The following KLHDC1 variants were observed in gnomAD, a reference collection of about 807,000 sequenced individuals.
The protein encoded by KLHDC1 is kelch domain containing 1.
Under a neutral mutation model 68.3 loss-of-function variants are expected in KLHDC1, and 53 were observed. The ratio of observed to expected loss-of-function variants is 0.78; its 90% CI spans 0.62 to 0.98. The LOEUF is 0.98. Among genes scored for constraint, KLHDC1 ranks in the 50% least tolerant of loss-of-function variants. The pLI is 0.00. For synonymous variants in KLHDC1, 148 were observed against 159.0 expected (o/e 0.93, Z 0.52); for missense variants, 470 against 492.3 (o/e 0.95, Z 0.43).
intron 6 of KLHDC1, among the ~76,000 whole-genome samples, chr14:49,728,495 G>A (rs549488205): frequency 4.0e-4 from 61 of 152,278 alleles, no homozygotes; most frequent in African/African-American, 1.5e-3. Context: ...GAGTTTTGGG[G>A]CCATTTTTAA....
intron 10 of KLHDC1, among the ~76,000 whole-genome samples, chr14:49,739,035 C>T (rs1487841303): frequency 6.6e-6 from 1 of 152,178 alleles, no homozygotes; most frequent in Non-Finnish European, 1.5e-5. Context: ...AGTTCTTCTT[C>T]AAATGTAAGT....
In KLHDC1 at chr14:49,695,313, T is replaced by C. The variant is rs563749599; in HGVS notation, c.96+2023T>C. ...GTGCCCAGCCATGAAATGTATTTTC[T>C]TAAATAATAAGACTTGAAAGTCAAA... On this transcript the variant is annotated intron_variant, in intron 1 of 12. Coordinates refer to ENST00000359332, the MANE Select transcript of KLHDC1 (RefSeq NM_172193.3). 2.6e-5 allele frequency among the ~76,000 whole-genome samples: 4 copies of C among 152,286 alleles called. No individual in the cohort carries two copies. In the South Asian group the frequency reaches 8.3e-4, roughly 32 times the overall value.
At chr14:49,701,813 C>G (rs748635947) in intron 1 of KLHDC1, among the ~76,000 whole-genome samples, 3 of 152,128 alleles carry the variant, frequency 2.0e-5, no homozygotes, top group Non-Finnish European at 4.4e-5. Flanking sequence ...GCAGGCAGAT[C>G]ACCTGAGGTC....
intron 1 of KLHDC1, among the ~76,000 whole-genome samples, 187 bp downstream of exon 1, chr14:49,693,477 G>A (rs1039208440): frequency 6.6e-6 from 1 of 151,790 alleles, no homozygotes; most frequent in Admixed American, 6.6e-5. Context: ...TCGTCCCGCC[G>A]TTGCTTCTTC....
At chr14:49,719,197 A>G (rs1360296059) in intron 4 of KLHDC1, among the ~76,000 whole-genome samples, 1 of 151,988 alleles carries the variant, frequency 6.6e-6, no homozygotes, top group African/African-American at 2.4e-5. Context: ...CTTAACTTGT[A>G]CAGTTATGTT....
intron 4 of KLHDC1, among the ~76,000 whole-genome samples, chr14:49,711,785 A>G (rs1167435790): frequency 6.6e-6 from 1 of 151,208 alleles, no homozygotes; most frequent in African/African-American, 2.4e-5. Flanking sequence ...ATCATTCACT[A>G]TTTAATTTCC....
intron 4 of KLHDC1, among the ~76,000 whole-genome samples, chr14:49,711,080 C>T (rs1031548647): frequency 3.3e-5 from 5 of 152,154 alleles, no homozygotes; most frequent in Admixed American, 6.5e-5. Flanking sequence ...GCAACCTCTG[C>T]CTCCCGGGTT....
At chr14:49,694,194 G>A (rs1887666482) in intron 1 of KLHDC1, among the ~76,000 whole-genome samples, 4 of 152,152 alleles carry the variant, frequency 2.6e-5, no homozygotes, top group Non-Finnish European at 5.9e-5. Flanking sequence ...GGAGGTTTGA[G>A]CGTATGTGTG....
At chr14:49,699,769 A>G (rs553997788) in intron 1 of KLHDC1, among the ~76,000 whole-genome samples, 4 of 152,328 alleles carry the variant, frequency 2.6e-5, no homozygotes, top group African/African-American at 9.6e-5. Flanking sequence ...TGATAATATC[A>G]AAAAAGTAAA....
chr14:49,743,413 A>AG (rs1214656073), intron 11 of KLHDC1, among the ~76,000 whole-genome samples: 4 of 151,250 alleles, frequency 2.6e-5, no homozygotes, highest in African/African-American at 7.3e-5. Context: ...AAAAAAAAAA[A>AG]AAAGAAAAGA....
At chr14:49,717,797 C>G (rs1429495900) in intron 4 of KLHDC1, among the ~76,000 whole-genome samples, 2 of 151,840 alleles carry the variant, frequency 1.3e-5, no homozygotes, top group Non-Finnish European at 2.9e-5. Context: ...TTGGGCTTTT[C>G]TTTCTTGGGA....
At chr14:49,721,051 C>T (rs1291027099) in intron 4 of KLHDC1, among the ~76,000 whole-genome samples, 1 of 151,920 alleles carries the variant, frequency 6.6e-6, no homozygotes, top group Non-Finnish European at 1.5e-5. Context: ...CTATTAGTAT[C>T]CTCATCATAG....
chr14:49,710,976 C>A (rs1467764257), intron 4 of KLHDC1, among the ~76,000 whole-genome samples: 1 of 151,292 alleles, frequency 6.6e-6, no homozygotes, highest in East Asian at 1.9e-4. Context: ...CCTTTTATTT[C>A]TTTCCTAATT....
rs1400367408 is a variant in KLHDC1, at chr14:49,693,184, C to G, written c.-11C>G. On this transcript the variant is annotated 5_prime_UTR_variant, in exon 1 of 13. Transcript: ENST00000359332. ...TGTGGCGCGGCAAGCGGCGGGCCAG[C>G]GACGGCGCGAATGGCGGACTCTCAG... 6.3e-7 allele frequency: 1 copy of G among 1,575,240 alleles called. No individual in the cohort carries two copies. Among genetic ancestry groups the G allele is most frequent in the South Asian group, 1.1e-5 (1 of 88,310 alleles).
chr14:49,747,342 G>A (rs1889225983), intron 12 of KLHDC1, among the ~76,000 whole-genome samples: 1 of 152,164 alleles, frequency 6.6e-6, no homozygotes, highest in Admixed American at 6.6e-5. Context: ...TTAGTGAAGG[G>A]TGACTTCTGG....
Position 49,743,812 on chromosome 14 carries a change from A to G in KLHDC1, c.1034+7A>G. On this transcript the variant is annotated splice_region_variant and intron_variant, in intron 12 of 12. Coordinates refer to ENST00000359332, the MANE Select transcript of KLHDC1 (RefSeq NM_172193.3). Reference sequence around the variant, plus strand: ...AGCCTTATTCACTACTCAGGTAAGCAAATTTAATATTTTCTATATATTTGC... The same window carrying G: ...AGCCTTATTCACTACTCAGGTAAGCGAATTTAATATTTTCTATATATTTGC... 1 of 1,480,092 alleles carries G rather than the reference A, an allele frequency of 6.8e-7. No homozygotes were observed. Among genetic ancestry groups the G allele is most frequent in the South Asian group, 1.2e-5 (1 of 85,146 alleles). The allele number at this position is 1,480,092 out of a possible 1,614,324, so 91.7% of individuals were successfully genotyped here.
intron 12 of KLHDC1, among the ~76,000 whole-genome samples, chr14:49,747,962 A>G (rs558837701): frequency 5.9e-4 from 90 of 152,300 alleles, no homozygotes; most frequent in African/African-American, 2.0e-3. Context: ...AATGAAGTGC[A>G]GGTGAGCTAG....
At chr14:49,707,665 T>TG (rs1261168092) in intron 1 of KLHDC1, 3 of 142,768 alleles carry the variant, frequency 2.1e-5, no homozygotes, top group Admixed American at 7.2e-5. Context: ...TTTTTTTTTT[T>TG]TAAGAAGCAG....
chr14:49,703,428 C>T (rs1302579357), intron 1 of KLHDC1, among the ~76,000 whole-genome samples: 3 of 151,820 alleles, frequency 2.0e-5, no homozygotes, highest in Non-Finnish European at 2.9e-5. Flanking sequence ...CTGCAACCTC[C>T]GCCTCCTGGG....
Sources: allele counts gnomAD v4.1 joint callset (sites outside exome capture counted in the v4.1 genomes callset), GRCh38; gene constraint gnomAD v4.1.1; transcripts MANE v1.5; gene names NCBI Gene and HGNC (gene_info 2026-07-23, HGNC 2026-07-21).